Variants in CFAP251 observed in about 807,000 individuals in gnomAD.
CFAP251 encodes the protein cilia- and flagella-associated protein 251.
Under a neutral mutation model 126.7 loss-of-function variants are expected in CFAP251, and 93 were observed. That is an observed-to-expected ratio of 0.73 (90% CI 0.62 to 0.87). The LOEUF (loss-of-function observed/expected upper bound fraction) is 0.87, where lower values mean the gene tolerates loss of function less well. CFAP251 is among the 40% of genes least tolerant of loss of function. CFAP251 has a pLI of 0.00. For synonymous variants in CFAP251, 503 were observed against 506.9 expected, an observed-to-expected ratio of 0.99 and a Z score of 0.10; for missense variants, 1,287 against 1,389.2, an observed-to-expected ratio of 0.93 and a Z score of 1.17.
chr12:121,930,977 A>G (rs1880663202), intron 3 of CFAP251, among the ~76,000 whole-genome samples: 1 of 152,026 alleles, frequency 6.6e-6, no homozygotes, highest in African/African-American at 2.4e-5. Flanking sequence ...TAGAACCCTC[A>G]ACCTCAGGTG....
At chr12:121,986,415 A>G (rs1398209452) in intron 19 of CFAP251, among the ~76,000 whole-genome samples, 1 of 150,310 alleles carries the variant, frequency 6.7e-6, no homozygotes, top group Non-Finnish European at 1.5e-5. Context: ...CTCCTGCCTC[A>G]GCCTCCTGAG....
rs76484360 is a variant in CFAP251, at chr12:121,970,122, T to C, written c.2771+1953T>C. ...ATAAATCCCCTCACATTCGATCATT[T>C]CAGTCAGTGCACCCCTTGGCCCCAA... On this transcript the variant is annotated intron_variant, in intron 17 of 21. Transcript: ENST00000288912. Among the ~76,000 whole-genome samples, 196 of 152,302 alleles carry C rather than the reference T, an allele frequency of 1.3e-3. 5 individuals carry two copies. The East Asian group carries it at 0.036, about 28-fold the overall frequency.
chr12:121,984,615 A>G (rs948269155), intron 19 of CFAP251, among the ~76,000 whole-genome samples: 1 of 152,178 alleles, frequency 6.6e-6, no homozygotes, highest in Non-Finnish European at 1.5e-5. Context: ...CCTAGAAATC[A>G]TTTTTAAATG....
chr12:121,947,686 C>A (rs891390915), intron 7 of CFAP251: 2 of 152,128 alleles, frequency 1.3e-5, no homozygotes, highest in African/African-American at 4.8e-5. Context: ...GAGATGACTT[C>A]GTCCAAAGAA....
intron 19 of CFAP251, among the ~76,000 whole-genome samples, chr12:121,977,168 C>T (rs1882481011): frequency 6.6e-6 from 1 of 152,126 alleles, no homozygotes; most frequent in Non-Finnish European, 1.5e-5. Context: ...AGGCTATAAA[C>T]CTGAACAGCA....
chr12:121,947,177 T>C (rs1230006401), intron 7 of CFAP251, among the ~76,000 whole-genome samples: 1 of 152,230 alleles, frequency 6.6e-6, no homozygotes, highest in African/African-American at 2.4e-5. Flanking sequence ...TGTTTTCTAC[T>C]ATAATTTGTC....
chr12:121,924,830 G>A (rs1880345249), intron 3 of CFAP251, among the ~76,000 whole-genome samples: 1 of 152,156 alleles, frequency 6.6e-6, no homozygotes, highest in Non-Finnish European at 1.5e-5. Flanking sequence ...GTGTTGCTCA[G>A]CAGGCAGGAA....
intron 19 of CFAP251, among the ~76,000 whole-genome samples, chr12:121,994,021 TGG>T (rs754704524): frequency 0.062 from 1,722 of 27,748 alleles, 166 homozygotes; most frequent in African/African-American, 0.07. Context: ...GGGAGGGAGG[TGG>T]GGGGGGGGTC....
At position 121,954,310 on chromosome 12, in the gene CFAP251, TCA is replaced by T; in HGVS notation, c.1513_1514del (p.Thr505GlyfsTer6). Reference sequence around the variant, plus strand: ...TTGGTTCATTTGCAGAAAGAGGGTATCACGGTACTTACCACAATTGATAGGTA... The same window carrying T: ...TTGGTTCATTTGCAGAAAGAGGGTATCGGTACTTACCACAATTGATAGGTA... On this transcript the variant is annotated frameshift_variant, in exon 10 of 22. Transcript: ENST00000288912. LOFTEE classifies it high-confidence loss of function. The T allele has an allele frequency of 1.9e-6, 3 of 1,613,864 alleles. No homozygotes were observed. In the East Asian group the frequency reaches 6.7e-5, roughly 36 times the overall value.
intron 19 of CFAP251, among the ~76,000 whole-genome samples, chr12:121,993,968 G>A (rs1297434466): frequency 1.2e-5 from 1 of 85,354 alleles, no homozygotes; most frequent in African/African-American, 3.5e-5. Context: ...GTCCGGGAGG[G>A]AGGTGGGGGG....
At chr12:121,998,432 A>T (rs1209473424) in intron 19 of CFAP251, 3 of 85,654 alleles carry the variant, frequency 3.5e-5, no homozygotes, top group South Asian at 3.4e-4. Flanking sequence ...TTTTTAGTGT[A>T]ATATATATAT....
intron 19 of CFAP251, chr12:121,997,248 AC>A (rs1883038903): frequency 6.6e-6 from 1 of 151,998 alleles, no homozygotes; most frequent in Admixed American, 6.6e-5. Context: ...ACGCCACAAC[AC>A]CCGGCTCATT....
intron 5 of CFAP251, among the ~76,000 whole-genome samples, chr12:121,936,947 G>A (rs900634092): frequency 3.9e-5 from 6 of 152,218 alleles, no homozygotes; most frequent in African/African-American, 1.4e-4. Flanking sequence ...GCAGGTGTGA[G>A]TGTGGGCTCT....
intron 13 of CFAP251, 162 bp downstream of exon 13, chr12:121,959,256 G>A: frequency 1.4e-6 from 1 of 709,740 alleles, no homozygotes; most frequent in African/African-American, 1.8e-5. Flanking sequence ...AGGAAACACA[G>A]CAGGACCCCA....
At chr12:121,928,218 A>T (rs1880495523) in intron 3 of CFAP251, among the ~76,000 whole-genome samples, 1 of 152,228 alleles carries the variant, frequency 6.6e-6, no homozygotes, top group South Asian at 2.1e-4. Context: ...TTTCCAAAAG[A>T]ACAATTTCAT....
chr12:121,938,749 G>A (rs1402423815), intron 5 of CFAP251, among the ~76,000 whole-genome samples: 1 of 151,094 alleles, frequency 6.6e-6, no homozygotes, highest in Non-Finnish European at 1.5e-5. Flanking sequence ...TTGGGAGGCC[G>A]AGGCGGGTGG....
intron 20 of CFAP251, among the ~76,000 whole-genome samples, chr12:122,001,030 A>C (rs1883135142): frequency 6.7e-6 from 1 of 149,570 alleles, no homozygotes; most frequent in African/African-American, 2.4e-5. Context: ...CATCTCCACC[A>C]GAAAAGTTTT....
At chr12:121,963,240 G>A (rs1052975642) in intron 15 of CFAP251, among the ~76,000 whole-genome samples, 15 of 152,150 alleles carry the variant, frequency 9.9e-5, no homozygotes, top group Admixed American at 3.9e-4. Context: ...AGCGAACAGC[G>A]TTTGCTAATG....
At chr12:121,940,498 C>T (rs548451094) in intron 5 of CFAP251, among the ~76,000 whole-genome samples, 1 of 152,094 alleles carries the variant, frequency 6.6e-6, no homozygotes, top group Non-Finnish European at 1.5e-5. Flanking sequence ...GATGCTGAGG[C>T]CTGTTTATCT....
Sources: allele counts gnomAD v4.1 joint callset (sites outside exome capture counted in the v4.1 genomes callset), GRCh38; gene constraint gnomAD v4.1.1; transcripts MANE v1.5; gene names NCBI Gene and HGNC (gene_info 2026-07-23, HGNC 2026-07-21).